NRG1: variants seen among roughly 807,000 people sequenced by gnomAD.
NRG1 encodes neuregulin 1, also known as pro-neuregulin-1, membrane-bound isoform.
In NRG1, 18 loss-of-function variants were observed where a neutral mutation model predicts 63.8. The ratio of observed to expected loss-of-function variants is 0.28; its 90% confidence interval spans 0.19 to 0.42. NRG1 has a LOEUF of 0.42. Among genes scored for constraint, NRG1 ranks in the 10% least tolerant of loss-of-function variants. The probability of loss-of-function intolerance (pLI) is 1.00; values close to 1 mark genes in which losing one functional copy is unlikely to be tolerated. For synonymous variants in NRG1, 302 were observed against 301.3 expected (o/e 1.00, Z -0.02); for missense variants, 762 against 814.7 (o/e 0.94, Z 0.79).
intron 1 of NRG1, among the ~76,000 whole-genome samples, chr8:32,150,000 A>T (rs995378557): frequency 6.6e-6 from 1 of 152,224 alleles, no homozygotes; most frequent in Non-Finnish European, 1.5e-5. Context: ...GAATTTTTTA[A>T]AAATCATCCT....
chr8:31,807,834 C>T lies in NRG1; in HGVS notation c.37+168403C>T, dbSNP rs188381983. ...AAAACATTTTATGAGTAGAATTATGCAGTATTTGTTTTTCTGTGACTAACT... is the reference window on the plus strand; with the variant it reads ...AAAACATTTTATGAGTAGAATTATGTAGTATTTGTTTTTCTGTGACTAACT... On this transcript the variant is annotated intron_variant, in intron 1 of 10. Coordinates refer to the NRG1 transcript ENST00000519301. Among the ~76,000 whole-genome samples the T allele has an allele frequency of 1.1e-4, 17 of 152,118 alleles. No homozygotes were observed. The East Asian group carries it at 3.1e-3, about 28-fold the overall frequency.
intron 1 of NRG1, among the ~76,000 whole-genome samples, chr8:32,053,317 C>G (rs1321640249): frequency 6.6e-6 from 1 of 152,088 alleles, no homozygotes; most frequent in Non-Finnish European, 1.5e-5. Context: ...ACACGCTTCA[C>G]AAGCATGTAT....
intron 1 of NRG1, among the ~76,000 whole-genome samples, chr8:31,991,745 C>T (rs914760005): frequency 1.3e-5 from 2 of 151,882 alleles, no homozygotes; most frequent in Non-Finnish European, 2.9e-5. Flanking sequence ...TAAGCTCACT[C>T]TTTATTTCTT....
chr8:32,423,262 C>T (rs1243336085), intron 1 of NRG1, among the ~76,000 whole-genome samples: 1 of 152,338 alleles, frequency 6.6e-6, no homozygotes, highest in South Asian at 2.1e-4. Flanking sequence ...CCTCACACTT[C>T]ATCAGAGGCC....
chr8:32,656,526 C>G (rs1308457254), intron 5 of NRG1, among the ~76,000 whole-genome samples: 1 of 152,042 alleles, frequency 6.6e-6, no homozygotes, highest in African/African-American at 2.4e-5. Flanking sequence ...TTCTAACAGA[C>G]AGATATAAGT....
At chr8:32,226,102 G>T (rs532653633) in intron 1 of NRG1, among the ~76,000 whole-genome samples, 10 of 152,236 alleles carry the variant, frequency 6.6e-5, no homozygotes, top group African/African-American at 1.9e-4. Context: ...ACTGTTTCCG[G>T]TAGAGAATCT....
chr8:31,925,999 T>G (rs1220157515), intron 1 of NRG1, among the ~76,000 whole-genome samples: 2 of 152,228 alleles, frequency 1.3e-5, no homozygotes, highest in Non-Finnish European at 2.9e-5. Flanking sequence ...TTGGTAATTT[T>G]GGATTGGGTG....
In NRG1 at chr8:31,640,061, C is replaced by G. The variant is rs1262801795; in HGVS notation, c.37+630C>G. The G allele has an allele frequency of 7.0e-6, 8 of 1,138,290 alleles. No individual in the cohort carries two copies. The highest frequency in any genetic ancestry group is 3.4e-4 in the Middle Eastern group (1 of 2,906). 70.5% of individuals were successfully genotyped at this position (1,138,290 alleles called of 1,614,324 possible). ...CAGCGCCCCGGCTCCGCCGCCCGCTCGTCGCCGCCGCTGCCGCTGCTGCCA... is the reference window on the plus strand; with the variant it reads ...CAGCGCCCCGGCTCCGCCGCCCGCTGGTCGCCGCCGCTGCCGCTGCTGCCA... On this transcript the variant is annotated intron_variant, in intron 1 of 10. Transcript: ENST00000519301. This position sits in a 1 kb window ranked among gnomAD's most constrained non-coding sequence, Gnocchi z 6.3.
chr8:32,769,329 G>T (rs924187540), downstream of NRG1, among the ~76,000 whole-genome samples: 3 of 152,088 alleles, frequency 2.0e-5, no homozygotes, highest in African/African-American at 7.2e-5. Flanking sequence ...AAGACTCGCA[G>T]CCAGATTGAA....
At position 32,133,023 on chromosome 8, in the gene NRG1, CTCTT is replaced by C. The variant is rs1470881066; in HGVS notation, c.38-462800_38-462797del. On this transcript the variant is annotated intron_variant, in intron 1 of 10. Transcript: ENST00000519301. ...TCCCCCCTTTCCCCCCACTCTCTCT[CTCTT>C]TCTTCCTATGAAGAGACTGTTCTAA... Among the ~76,000 whole-genome samples, 5 of 151,682 alleles carry C rather than the reference CTCTT, an allele frequency of 3.3e-5. No individual in the cohort carries two copies. The East Asian group carries it at 5.9e-4, about 18-fold the overall frequency.
chr8:32,159,263 G>A (rs377026670), intron 1 of NRG1, among the ~76,000 whole-genome samples: 3 of 152,148 alleles, frequency 2.0e-5, no homozygotes, highest in African/African-American at 7.2e-5. Context: ...GGCCGGGCGC[G>A]GTGGCTCACG....
rs1002694692 is a variant in NRG1, at chr8:31,657,783, G to T, written c.37+18352G>T. Among the ~76,000 whole-genome samples the T allele has an allele frequency of 1.4e-4, 21 of 152,158 alleles. 1 individual carries two copies. The highest frequency in any genetic ancestry group is 9.2e-4 in the Admixed American group (14 of 15,274). ...TCATTTTGTTCCAATTTTAACCTGAGATTCAAAAAGGTTTACAGAACTTTA... is the reference window on the plus strand; with the variant it reads ...TCATTTTGTTCCAATTTTAACCTGATATTCAAAAAGGTTTACAGAACTTTA... On this transcript the variant is annotated intron_variant, in intron 1 of 10. Coordinates refer to the NRG1 transcript ENST00000519301.
At chr8:32,145,870 G>A (rs542391010) in intron 1 of NRG1, among the ~76,000 whole-genome samples, 1 of 152,272 alleles carries the variant, frequency 6.6e-6, no homozygotes, top group Non-Finnish European at 1.5e-5. Flanking sequence ...TGTAACCACT[G>A]GTCCTTTGGG....
chr8:32,044,000 T>C (rs1820520561), intron 1 of NRG1, among the ~76,000 whole-genome samples: 1 of 151,956 alleles, frequency 6.6e-6, no homozygotes, highest in Non-Finnish European at 1.5e-5. Context: ...ATTTAAAGGC[T>C]AATGATTACC....
intron 1 of NRG1, among the ~76,000 whole-genome samples, chr8:32,167,833 CCACCAATGATAAG>C (rs1839562000): frequency 1.3e-5 from 2 of 152,188 alleles, no homozygotes; most frequent in South Asian, 4.1e-4. Context: ...TAAGATCAAA[CCACCAATGATAAG>C]CATGGATCAT....
At chr8:31,745,901 A>G (rs1274003859) in intron 1 of NRG1, among the ~76,000 whole-genome samples, 1 of 151,922 alleles carries the variant, frequency 6.6e-6, no homozygotes, top group African/African-American at 2.4e-5. Flanking sequence ...AATACATGTT[A>G]ATCAATTGAC....
intron 1 of NRG1, among the ~76,000 whole-genome samples, chr8:31,695,790 C>T (rs534831690): frequency 6.6e-6 from 1 of 152,206 alleles, no homozygotes; most frequent in South Asian, 2.1e-4. Flanking sequence ...AGTTTGAGCT[C>T]TTGTTATTTT....
In NRG1 at chr8:32,650,238, G is replaced by T. The variant is rs180883051; in HGVS notation, c.502+33353G>T. On this transcript the variant is annotated intron_variant, in intron 5 of 11. Transcript: ENST00000356819. ...TCAGTTTTTTTTTCCCCAAGCCAGG[G>T]CATTGATATTGTGGCATCTGCAATA... is the stretch of plus-strand genomic sequence containing the variant. 1.6e-3 allele frequency among the ~76,000 whole-genome samples: 246 copies of T among 152,044 alleles called. 1 individual carries two copies. The highest frequency in any genetic ancestry group is 8.9e-3 in the East Asian group (46 of 5,180).
At chr8:31,883,432 C>T (rs930290433) in intron 1 of NRG1, among the ~76,000 whole-genome samples, 1 of 151,992 alleles carries the variant, frequency 6.6e-6, no homozygotes, top group Non-Finnish European at 1.5e-5. Flanking sequence ...TAGAACTGAA[C>T]CTGTAATATC....
Sources: gnomAD v4.1 joint callset for allele counts (sites outside exome capture counted in the v4.1 genomes callset) on GRCh38, gnomAD v4.1.1 for gene constraint, Gnocchi (gnomAD v3.1) non-coding constraint, MANE v1.5 for transcripts, NCBI Gene and HGNC (gene_info 2026-07-23, HGNC 2026-07-21) for gene names.